Variants in TMC1 observed in about 807,000 individuals in gnomAD.
TMC1 encodes the protein transmembrane channel-like protein 1.
TMC1 carries 84 observed loss-of-function variants against 105.8 expected under a neutral mutation model. The observed-to-expected ratio is 0.79, with a 90% CI of 0.67 to 0.95. TMC1 has a LOEUF of 0.95. Among genes scored for constraint, TMC1 ranks in the 40% least tolerant of loss-of-function variants. TMC1 has a pLI of 0.00. For missense variants in TMC1, 817 were observed against 914.1 expected (o/e 0.89, Z 1.37); for synonymous variants, 315 against 311.5 (o/e 1.01, Z -0.12).
At chr9:72,718,236 T>C (rs997328546) in intron 8 of TMC1, among the ~76,000 whole-genome samples, 7 of 152,210 alleles carry the variant, frequency 4.6e-5, no homozygotes, top group African/African-American at 1.7e-4. Flanking sequence ...TTGGATCCAT[T>C]GCTGGTGAGC....
intron 3 of TMC1, among the ~76,000 whole-genome samples, chr9:72,623,275 A>C (rs1825290279): frequency 6.6e-6 from 1 of 151,494 alleles, no homozygotes; most frequent in African/African-American, 2.4e-5. Flanking sequence ...GTCCTCTATC[A>C]AAAAGTGTGG....
intron 13 of TMC1, among the ~76,000 whole-genome samples, chr9:72,779,321 C>A (rs920625636): frequency 2.6e-5 from 4 of 152,192 alleles, no homozygotes; most frequent in South Asian, 2.1e-4. Context: ...TGAGAAAAAA[C>A]CAGCAAAAGA....
chr9:72,790,064 T>C (rs1588084537), intron 15 of TMC1, among the ~76,000 whole-genome samples: 2 of 152,164 alleles, frequency 1.3e-5, no homozygotes, highest in East Asian at 3.9e-4. Flanking sequence ...CAGAAAATCA[T>C]TGGTCATGAG....
intron 3 of TMC1, among the ~76,000 whole-genome samples, chr9:72,621,020 G>A (rs945400686): frequency 6.6e-6 from 1 of 152,166 alleles, no homozygotes; most frequent in Admixed American, 6.5e-5. Flanking sequence ...GCAACCAAGT[G>A]AGCCACTTAG....
At chr9:72,671,107 C>A (rs894815441) in intron 5 of TMC1, among the ~76,000 whole-genome samples, 2 of 152,114 alleles carry the variant, frequency 1.3e-5, no homozygotes, top group Non-Finnish European at 2.9e-5. Context: ...CTCAAAGAAA[C>A]AGATCTGAGT....
intron 20 of TMC1, among the ~76,000 whole-genome samples, chr9:72,822,123 A>C (rs898073263): frequency 6.6e-6 from 1 of 152,172 alleles, no homozygotes; most frequent in African/African-American, 2.4e-5. Flanking sequence ...TGGAGGATGA[A>C]GTTTCTTTCC....
chr9:72,600,820 A>G (rs1054127320), intron 2 of TMC1, among the ~76,000 whole-genome samples: 15 of 152,324 alleles, frequency 9.8e-5, no homozygotes, highest in Admixed American at 9.2e-4. Flanking sequence ...TACCAGAATC[A>G]TCATGTGCGC....
At chr9:72,738,741 A>C (rs1827340900) in intron 8 of TMC1, among the ~76,000 whole-genome samples, 1 of 151,940 alleles carries the variant, frequency 6.6e-6, no homozygotes, top group Non-Finnish European at 1.5e-5. Flanking sequence ...TTAAAAGTTG[A>C]CTTTATATGT....
At chr9:72,565,315 TCA>T (rs1166226950) in intron 1 of TMC1, among the ~76,000 whole-genome samples, 3 of 152,180 alleles carry the variant, frequency 2.0e-5, no homozygotes, top group Non-Finnish European at 4.4e-5. Flanking sequence ...ACAAATAGTA[TCA>T]CAGTTTTGAA....
At chr9:72,830,358 C>A in intron 21 of TMC1, 93 bp from the exon 22 acceptor site, 2 of 875,114 alleles carry the variant, frequency 2.3e-6, no homozygotes, top group Non-Finnish European at 3.8e-6. Context: ...CATTCCCATG[C>A]TGATATTTCA....
intron 1 of TMC1, among the ~76,000 whole-genome samples, chr9:72,541,001 C>G (rs1260662256): frequency 6.6e-6 from 1 of 152,178 alleles, no homozygotes; most frequent in African/African-American, 2.4e-5. Context: ...AAACTTCTGA[C>G]TTTTGTTTTG....
At chr9:72,814,148 A>T (rs1394966985) in intron 18 of TMC1, among the ~76,000 whole-genome samples, 1 of 152,194 alleles carries the variant, frequency 6.6e-6, no homozygotes, top group Non-Finnish European at 1.5e-5. Flanking sequence ...CCACCTCATG[A>T]TACCATTCTA....
rs1164075346 is a variant in TMC1, at chr9:72,561,342, AG to A, written c.-427-16559del. On this transcript the variant is annotated intron_variant, in intron 1 of 23. Transcript: ENST00000297784. ...CAAAAAAAAAAAAAAAAAAAAAAAGAGAGAGAGAAAATAACTCAGCTTCATT... is the reference window on the plus strand; with the variant it reads ...CAAAAAAAAAAAAAAAAAAAAAAAGAAGAGAGAAAATAACTCAGCTTCATT... Among the ~76,000 whole-genome samples, 338 of 130,572 alleles carry A rather than the reference AG, an allele frequency of 2.6e-3. 1 individual carries two copies. The highest frequency in any genetic ancestry group is 0.01 in the African/African-American group (328 of 32,714). 85.7% of individuals were successfully genotyped at this position (130,572 alleles called of 152,430 possible). A position where few individuals can be genotyped will look rare whatever the true frequency, so the allele number is the denominator to read the frequency against.
chr9:72,646,323 A>G (rs1825710296), intron 4 of TMC1, among the ~76,000 whole-genome samples: 1 of 152,198 alleles, frequency 6.6e-6, no homozygotes, highest in African/African-American at 2.4e-5. Flanking sequence ...CAAAAGCTCA[A>G]CTTTTCACAG....
intron 20 of TMC1, among the ~76,000 whole-genome samples, chr9:72,821,502 CAAAA>C (rs35069464): frequency 9.5e-6 from 1 of 105,544 alleles, no homozygotes. Context: ...AACTCTGTCT[CAAAA>C]AAAAAAAAAA....
intron 1 of TMC1, among the ~76,000 whole-genome samples, chr9:72,564,240 G>A (rs1824108941): frequency 6.6e-6 from 1 of 152,078 alleles, no homozygotes; most frequent in Non-Finnish European, 1.5e-5. Context: ...ATCAAATTAT[G>A]TTGATAAAAT....
At chr9:72,644,733 A>G (rs1218704228) in intron 4 of TMC1, among the ~76,000 whole-genome samples, 1 of 152,160 alleles carries the variant, frequency 6.6e-6, no homozygotes, top group African/African-American at 2.4e-5. Flanking sequence ...ATTCCAAGTA[A>G]TTTGCATTAA....
chr9:72,794,768 A>T (rs1248768915), intron 17 of TMC1, among the ~76,000 whole-genome samples: 2 of 152,230 alleles, frequency 1.3e-5, no homozygotes, highest in African/African-American at 4.8e-5. Context: ...AGAGTTCTTA[A>T]CGAGGCTGAG....
intron 5 of TMC1, among the ~76,000 whole-genome samples, chr9:72,675,923 C>T (rs1826195230): frequency 6.6e-6 from 1 of 152,052 alleles, no homozygotes; most frequent in Admixed American, 6.6e-5. Context: ...TGACTCTTGT[C>T]TCTTTCTTTG....
Sources: allele counts gnomAD v4.1 joint callset (sites outside exome capture counted in the v4.1 genomes callset), GRCh38; gene constraint gnomAD v4.1.1; transcripts MANE v1.5; gene names NCBI Gene and HGNC (gene_info 2026-07-23, HGNC 2026-07-21).